ZNF880: variants seen among roughly 807,000 people sequenced by gnomAD.
ZNF880 encodes zinc finger protein 880.
A neutral mutation model predicts 11.8 loss-of-function variants in ZNF880; 12 were observed. That is an observed-to-expected ratio of 1.02 (90% CI 0.65 to 1.65). The LOEUF is 1.65. Ranked by LOEUF, ZNF880 falls within the 40% of genes most tolerant of loss-of-function variation. ZNF880 has a pLI of 0.00. For missense variants in ZNF880, 601 were observed against 673.9 expected, an observed-to-expected ratio of 0.89 and a Z score of 1.20; for synonymous variants, 210 against 232.4, an observed-to-expected ratio of 0.90 and a Z score of 0.88.
intron 3 of ZNF880, among the ~76,000 whole-genome samples, chr19:52,376,496 GCCCCC>G (rs772625389): frequency 2.0e-5 from 1 of 51,194 alleles, no homozygotes; most frequent in Non-Finnish European, 3.4e-5. Flanking sequence ...CCTTAGCACC[GCCCCC>G]CCCCCCCCTT....
chr19:52,376,931 G>A (rs1986575333), intron 3 of ZNF880, among the ~76,000 whole-genome samples: 1 of 152,100 alleles, frequency 6.6e-6, no homozygotes, highest in Admixed American at 6.6e-5. Context: ...CTCCCATGCT[G>A]TGGGTTGTCT....
At chr19:52,393,847 T>C in the ZNF880 span, among the ~76,000 whole-genome samples, 2 of 146,186 alleles carry the variant, frequency 1.4e-5, no homozygotes, top group Middle Eastern at 3.4e-3. Flanking sequence ...TTTTTTTTTT[T>C]TTTTTTTGAG....
At chr19:52,395,037 A>G in the ZNF880 span, among the ~76,000 whole-genome samples, 1 of 152,302 alleles carries the variant, frequency 6.6e-6, no homozygotes, top group East Asian at 1.9e-4. Context: ...CTTTTGATAT[A>G]TCCAGTAACA....
rs1451607087 is a variant in ZNF880, at chr19:52,384,238, G to T, written c.658G>T (p.Val220Phe). The change falls in exon 4 of 4, where the codon GTC becomes TTC. Residue 220 changes from valine to phenylalanine, a missense_variant. By Grantham distance (50) the Val-to-Phe change is conservative (BLOSUM62 -1). Around this residue, in one of 3 missense-constraint regions of ZNF880, gnomAD observed 420 missense variants for 442.6 expected, o/e 0.95. Transcript: ENST00000422689. ...NPYKCNECDK[V>F]FSNSSNLVQH... ...TTACAAATGTAATGAATGTGACAAGGTCTTCAGTAACAGTTCAAACCTTGT... is the reference window on the plus strand; with the variant it reads ...TTACAAATGTAATGAATGTGACAAGTTCTTCAGTAACAGTTCAAACCTTGT... The T allele has an allele frequency of 6.2e-7, 1 of 1,612,878 alleles. No homozygotes were observed. The highest frequency in any genetic ancestry group is 8.5e-7 in the Non-Finnish European group (1 of 1,179,310).
chr19:52,394,527 G>A, the ZNF880 span, among the ~76,000 whole-genome samples: 1,167 of 152,190 alleles, frequency 7.7e-3, 17 homozygotes, highest in Middle Eastern at 0.034. Flanking sequence ...GAGCCACCAT[G>A]CCTGGCTGAT....
chr19:52,378,587 C>T (rs1986619913), intron 3 of ZNF880, among the ~76,000 whole-genome samples: 1 of 140,816 alleles, frequency 7.1e-6, no homozygotes, highest in Non-Finnish European at 1.5e-5. Context: ...GTGGAGGTTG[C>T]AGTGAGCCAA....
At chr19:52,394,263 G>A in the ZNF880 span, among the ~76,000 whole-genome samples, 1 of 152,030 alleles carries the variant, frequency 6.6e-6, no homozygotes, top group Non-Finnish European at 1.5e-5. Context: ...TTGAGACAGG[G>A]CCTTACTCTG....
intron 3 of ZNF880, among the ~76,000 whole-genome samples, chr19:52,379,249 G>C (rs952261884): frequency 1.3e-5 from 2 of 151,734 alleles, no homozygotes; most frequent in African/African-American, 4.8e-5. Context: ...TTTTGCCTAG[G>C]AGTTTATGTA....
upstream of ZNF880, among the ~76,000 whole-genome samples, chr19:52,368,862 G>A (rs1398767477): frequency 1.3e-5 from 2 of 150,478 alleles, no homozygotes; most frequent in Non-Finnish European, 3.0e-5. Context: ...TGTGCCTGTA[G>A]TCCCAGCTAC....
chr19:52,381,911 A>T (rs2122396790), intron 3 of ZNF880, among the ~76,000 whole-genome samples: 1 of 152,242 alleles, frequency 6.6e-6, no homozygotes, highest in Admixed American at 6.5e-5. Context: ...GATATATGTT[A>T]TGGTCCCATT....
At chr19:52,397,361 C>T in the ZNF880 span, 2 of 152,106 alleles carry the variant, frequency 1.3e-5, no homozygotes, top group East Asian at 1.9e-4. Context: ...TTTTGCATTT[C>T]ACATTTTAGC....
chr19:52,384,280 C>G lies in ZNF880; in HGVS notation c.700C>G (p.His234Asp). ...SSNLVQHQRI[H>D]TGEKPYKCHE... The stretch of plus-strand genomic sequence containing the variant: ...AAACCTTGTACAACATCAAAGAATT[C>G]ATACTGGAGAGAAGCCTTACAAGTG... The change falls in exon 4 of 4, where the codon CAT (histidine) becomes GAT (aspartate). Residue 234 changes from histidine (H) to aspartate (D), a missense_variant. His to Asp is a moderately conservative substitution (Grantham distance 81). This residue lies in a region of ZNF880 where 420 missense variants were observed against 442.6 expected (regional missense o/e 0.95). Coordinates refer to ENST00000422689, the MANE Select transcript of ZNF880 (RefSeq NM_001145434.2). 1 of 1,612,748 alleles carries G rather than the reference C, an allele frequency of 6.2e-7. No homozygotes were observed. Among genetic ancestry groups the G allele is most frequent in the Non-Finnish European group, 8.5e-7 (1 of 1,179,442 alleles).
chr19:52,395,784 C>G, the ZNF880 span: 4 of 152,194 alleles, frequency 2.6e-5, no homozygotes, highest in African/African-American at 9.7e-5. Flanking sequence ...TTCTGGGGAT[C>G]TGGAACACAT....
chr19:52,384,934 A>C lies in ZNF880; in HGVS notation c.1354A>C (p.Ser452Arg), dbSNP rs575435670. 8 of 1,587,316 alleles carry C rather than the reference A, an allele frequency of 5.0e-6. No individual in the cohort carries two copies. The African/African-American group carries it at 1.1e-4, about 21-fold the overall frequency. Residue 452 changes from serine to arginine, a missense_variant, in exon 4 of 4, where the codon AGC becomes CGC. Coordinates refer to ENST00000422689, the MANE Select transcript of ZNF880 (RefSeq NM_001145434.2). ...GGTCTTCAGGCATAGATTATCCCTA[A>C]GCAATCATCAGAGATTTCATACTGG... Reference protein sequence around the residue: ...AKVFRHRLSLSNHQRFHTGEK... With the variant: ...AKVFRHRLSLRNHQRFHTGEK...
chr19:52,385,403 T>C lies in ZNF880; in HGVS notation c.*89T>C. ...TGAGAGAGTTCTTACAAACTGAGTA[T>C]GGCAAACTCTTCATGCTAAGTTCTA... On this transcript the variant is annotated 3_prime_UTR_variant, in exon 4 of 4. Transcript: ENST00000422689. 1.4e-6 allele frequency: 2 copies of C among 1,379,902 alleles called. No homozygotes were observed. The highest frequency in any genetic ancestry group is 2.0e-6 in the Non-Finnish European group (2 of 1,018,940). The allele number at this position is 1,379,902 out of a possible 1,614,324, so 85.5% of individuals were successfully genotyped here.
intron 3 of ZNF880, among the ~76,000 whole-genome samples, chr19:52,382,392 G>A (rs1986731595): frequency 6.6e-6 from 1 of 152,106 alleles, no homozygotes; most frequent in South Asian, 2.1e-4. Context: ...TTTCATTGAG[G>A]TTAAAGATAC....
At chr19:52,393,987 C>T in the ZNF880 span, among the ~76,000 whole-genome samples, 1 of 151,326 alleles carries the variant, frequency 6.6e-6, no homozygotes, top group Non-Finnish European at 1.5e-5. Context: ...CAGGCACCCG[C>T]CACCACACCT....
At chr19:52,370,072 C>T (rs12983120) in intron 1 of ZNF880, 95 bp downstream of exon 1, 93,983 of 1,452,952 alleles carry the variant, frequency 0.065, 3,448 homozygotes, top group South Asian at 0.086. Context: ...CTTGAAATCC[C>T]CGCATCGCTC....
At chr19:52,372,290 AT>A (rs770129861) in intron 1 of ZNF880, among the ~76,000 whole-genome samples, 14,726 of 138,542 alleles carry the variant, frequency 0.11, 1,232 homozygotes, top group African/African-American at 0.25. Context: ...ATCTCTACTA[AT>A]TTTTTTTTTT....
Sources: allele counts gnomAD v4.1 joint callset (sites outside exome capture counted in the v4.1 genomes callset), GRCh38; gene constraint gnomAD v4.1.1; regional missense constraint gnomAD v4.1.1; transcripts MANE v1.5; gene names NCBI Gene and HGNC (gene_info 2026-07-23, HGNC 2026-07-21).